RAPGEF6: variants seen among roughly 807,000 people sequenced by gnomAD.
RAPGEF6 encodes Rap guanine nucleotide exchange factor 6, also known as PDZ domain containing guanine nucleotide exchange factor (GEF) 2.
In RAPGEF6, 56 loss-of-function variants were observed where a neutral mutation model predicts 171.4. The observed-to-expected ratio is 0.33, with a 90% CI of 0.26 to 0.41. The LOEUF is 0.41. Among genes scored for constraint, RAPGEF6 ranks in the 10% least tolerant of loss-of-function variants. The probability of loss-of-function intolerance (pLI) is 1.00; values close to 1 mark genes in which losing one functional copy is unlikely to be tolerated. For missense variants in RAPGEF6, 1,674 were observed against 1,921.4 expected (o/e 0.87, Z 2.41); for synonymous variants, 692 against 650.1 (o/e 1.06, Z -0.98).
intron 21 of RAPGEF6, 135 bp downstream of exon 21, chr5:131,452,919 C>T: frequency 5.5e-6 from 6 of 1,095,262 alleles, no homozygotes; most frequent in Non-Finnish European, 7.4e-6. Flanking sequence ...TAAATGATTA[C>T]ATGAAACGGA....
intron 3 of RAPGEF6, among the ~76,000 whole-genome samples, chr5:131,596,158 A>T (rs1264854259): frequency 6.6e-6 from 1 of 150,584 alleles, no homozygotes; most frequent in East Asian, 1.9e-4. Context: ...CATCATATAA[A>T]AAAAAAAAAA....
chr5:131,625,176 C>T (rs111288641), intron 1 of RAPGEF6, among the ~76,000 whole-genome samples: 173 of 152,268 alleles, frequency 1.1e-3, no homozygotes, highest in African/African-American at 3.7e-3. Context: ...GCAGGAGAAT[C>T]CCTTGAACCC....
rs1223130874 is a variant in RAPGEF6, at chr5:131,472,616, G to T, written c.2210C>A (p.Thr737Asn). Reference protein sequence around the residue: ...SSSPDLLQPTTSMLDFSNPSD... With the variant: ...SSSPDLLQPTNSMLDFSNPSD... Reference sequence around the variant, plus strand: ...AGGATTGGAAAAATCCAACATACTGGTGGTAGGCTGCAGGAGATCAGGGCT... The same window carrying T: ...AGGATTGGAAAAATCCAACATACTGTTGGTAGGCTGCAGGAGATCAGGGCT... Residue 737 changes from threonine (T) to asparagine (N), a missense_variant, in exon 17 of 28, where the codon ACC (threonine) becomes AAC (asparagine). Thr to Asn is a moderately conservative substitution (Grantham distance 65). This residue lies in a region of RAPGEF6 where 1,116 missense variants were observed against 1,321.5 expected (regional missense o/e 0.84). Transcript: ENST00000509018. 6.2e-7 allele frequency: 1 copy of T among 1,613,978 alleles called. No individual in the cohort carries two copies. Among genetic ancestry groups the T allele is most frequent in the Non-Finnish European group, 8.5e-7 (1 of 1,179,962 alleles).
Position 131,529,165 on chromosome 5 carries a change from A to T in RAPGEF6, c.496-7644T>A, listed in dbSNP as rs1036126219. 1.9e-4 allele frequency among the ~76,000 whole-genome samples: 29 copies of T among 152,168 alleles called. No individual in the cohort carries two copies. The South Asian group carries it at 3.5e-3, about 18-fold the overall frequency. On this transcript the variant is annotated intron_variant, in intron 6 of 27. Coordinates refer to ENST00000509018, the MANE Select transcript of RAPGEF6 (RefSeq NM_016340.6). Reference sequence around the variant, plus strand: ...TAGAGAGACCACGGAAAAAAAAAAAAAAAGAGTTGCAATTAAAAAACAACA... The same window carrying T: ...TAGAGAGACCACGGAAAAAAAAAAATAAAGAGTTGCAATTAAAAAACAACA...
At chr5:131,603,542 T>A (rs188343917) in intron 2 of RAPGEF6, among the ~76,000 whole-genome samples, 2 of 152,122 alleles carry the variant, frequency 1.3e-5, no homozygotes, top group East Asian at 3.9e-4. Context: ...GGCATCAACC[T>A]TAATACTCTT....
chr5:131,425,277 A>G lies in RAPGEF6; in HGVS notation c.*1989T>C, dbSNP rs1430760542. ...TAAATAAAGACATTATGAAAACAGCACATTTTTCTGGGGAAATGAATATAA... is the reference window on the plus strand; with the variant it reads ...TAAATAAAGACATTATGAAAACAGCGCATTTTTCTGGGGAAATGAATATAA... On this transcript the variant is annotated 3_prime_UTR_variant, in exon 28 of 28. Coordinates refer to ENST00000509018, the MANE Select transcript of RAPGEF6 (RefSeq NM_016340.6). 6.6e-6 allele frequency: 1 copy of G among 152,370 alleles called. No homozygotes were observed. The highest frequency in any genetic ancestry group is 1.5e-5 in the Non-Finnish European group (1 of 68,046). The allele number at this position is 152,370 out of a possible 1,614,324, so 9.4% of individuals were successfully genotyped here.
At position 131,461,760 on chromosome 5, in the gene RAPGEF6, T is replaced by C. The variant is rs1753951958; in HGVS notation, c.2809A>G (p.Ile937Val). ...TTACATTCTCGACAATGAAGTGCAATTTTAATAAAATGCTTAATAATCTTC... is the reference window on the plus strand; with the variant it reads ...TTACATTCTCGACAATGAAGTGCAACTTTAATAAAATGCTTAATAATCTTC... ...RMKIIKHFIK[I>V]ALHCRECKNF... The change falls in exon 19 of 28, where the codon ATT becomes GTT. Residue 937 changes from isoleucine to valine, a missense_variant. Physicochemically the swap from Ile to Val is conservative, Grantham distance 29. Transcript: ENST00000509018. 1 of 1,609,196 alleles carries C rather than the reference T, an allele frequency of 6.2e-7. No homozygotes were observed. The highest frequency in any genetic ancestry group is 1.3e-5 in the African/African-American group (1 of 74,894).
At position 131,521,629 on chromosome 5, in the gene RAPGEF6, T is replaced by G. The variant is rs1758487131; in HGVS notation, c.496-108A>C. ...TGTACATTACTGTGCAATCTCTTTT[T>G]TAACCCAAGTTCTCTACTTTCAGCA... is the stretch of plus-strand genomic sequence containing the variant. On this transcript the variant is annotated intron_variant, in intron 6 of 27. Coordinates refer to ENST00000509018, the MANE Select transcript of RAPGEF6 (RefSeq NM_016340.6). 3.1e-6 allele frequency: 3 copies of G among 970,366 alleles called. No homozygotes were observed. In the South Asian group the frequency reaches 6.4e-5, roughly 21 times the overall value. The allele number at this position is 970,366 out of a possible 1,614,324, so 60.1% of individuals were successfully genotyped here.
intron 19 of RAPGEF6, among the ~76,000 whole-genome samples, chr5:131,460,258 T>C (rs773365086): frequency 6.6e-6 from 1 of 152,178 alleles, no homozygotes; most frequent in Non-Finnish European, 1.5e-5. Flanking sequence ...CTCTCTTTCA[T>C]TGGCTTTGAT....
At chr5:131,536,235 A>T (rs564663683) in intron 6 of RAPGEF6, among the ~76,000 whole-genome samples, 3 of 152,332 alleles carry the variant, frequency 2.0e-5, no homozygotes, top group African/African-American at 7.2e-5. Context: ...TAAATGAATA[A>T]ATGACTGAAA....
chr5:131,632,999 A>G (rs574155770), intron 1 of RAPGEF6, among the ~76,000 whole-genome samples: 2 of 152,354 alleles, frequency 1.3e-5, no homozygotes, highest in African/African-American at 4.8e-5. Flanking sequence ...AGTGGCCAAC[A>G]TAACTTTATG....
At chr5:131,575,129 C>A (rs551518467) in intron 4 of RAPGEF6, among the ~76,000 whole-genome samples, 22 of 152,168 alleles carry the variant, frequency 1.4e-4, no homozygotes, top group Non-Finnish European at 3.1e-4. Context: ...AAGATGCTTT[C>A]TTCACTATTC....
At chr5:131,570,773 C>A (rs188618266) in intron 4 of RAPGEF6, among the ~76,000 whole-genome samples, 2 of 152,114 alleles carry the variant, frequency 1.3e-5, no homozygotes, top group East Asian at 3.9e-4. Flanking sequence ...GTAAAATACT[C>A]TCTCTCCAGA....
At chr5:131,518,310 T>C (rs1758235539) in intron 7 of RAPGEF6, among the ~76,000 whole-genome samples, 2 of 152,076 alleles carry the variant, frequency 1.3e-5, no homozygotes, top group African/African-American at 4.8e-5. Flanking sequence ...TTTGTGTTTA[T>C]CTTTATTGGC....
At chr5:131,431,445 C>A (rs756839705) in intron 25 of RAPGEF6, 96 bp from the exon 26 acceptor site, 2 of 1,350,868 alleles carry the variant, frequency 1.5e-6, no homozygotes, top group African/African-American at 1.5e-5. Context: ...CTACAGAGCA[C>A]GTACCACAAG....
chr5:131,450,933 T>A (rs1331596955), intron 21 of RAPGEF6, among the ~76,000 whole-genome samples: 1 of 152,226 alleles, frequency 6.6e-6, no homozygotes, highest in Non-Finnish European at 1.5e-5. Context: ...GTATGGCTAG[T>A]ACTTAGTATA....
intron 4 of RAPGEF6, among the ~76,000 whole-genome samples, chr5:131,573,131 C>T (rs987743675): frequency 6.6e-6 from 1 of 152,096 alleles, no homozygotes; most frequent in Non-Finnish European, 1.5e-5. Flanking sequence ...GACCTCTCTC[C>T]TTCTCCCCTG....
At chr5:131,439,543 T>C in intron 24 of RAPGEF6, 38 bp downstream of exon 24, 1 of 1,569,002 alleles carries the variant, frequency 6.4e-7, no homozygotes, top group Non-Finnish European at 8.6e-7. Flanking sequence ...AAGTATTGTT[T>C]AGTTTAACAA....
chr5:131,621,393 G>A (rs923222680), intron 1 of RAPGEF6, among the ~76,000 whole-genome samples: 8 of 151,786 alleles, frequency 5.3e-5, no homozygotes, highest in African/African-American at 7.3e-5. Context: ...GGGCTCATGC[G>A]ATCCTCTCAT....
Sources: gnomAD v4.1 joint callset for allele counts (sites outside exome capture counted in the v4.1 genomes callset) on GRCh38, gnomAD v4.1.1 for gene constraint, gnomAD v4.1.1 regional missense constraint, MANE v1.5 for transcripts, NCBI Gene and HGNC (gene_info 2026-07-23, HGNC 2026-07-21) for gene names.